The following PRKD1 variants were observed in gnomAD, a reference collection of about 807,000 sequenced individuals.
PRKD1 encodes serine/threonine-protein kinase D1.
A neutral mutation model predicts 95.9 loss-of-function variants in PRKD1; 63 were observed. That is an observed-to-expected ratio of 0.66 (90% CI 0.54 to 0.81). PRKD1 has a LOEUF of 0.81. Ranked by LOEUF, PRKD1 falls within the 30% of genes least tolerant of loss-of-function variation. PRKD1 has a pLI of 0.00. For synonymous variants in PRKD1, 425 were observed against 423.1 expected, an observed-to-expected ratio of 1.00 and a Z score of -0.05; for missense variants, 1,048 against 1,165.3, an observed-to-expected ratio of 0.90 and a Z score of 1.47.
intron 2 of PRKD1, among the ~76,000 whole-genome samples, chr14:29,687,453 A>C (rs1485875062): frequency 6.6e-6 from 1 of 152,218 alleles, no homozygotes; most frequent in Non-Finnish European, 1.5e-5. Flanking sequence ...CCAGAGACTC[A>C]AAAAGTTTTG....
At chr14:29,887,064 T>C (rs1441530006) in intron 1 of PRKD1, among the ~76,000 whole-genome samples, 1 of 152,230 alleles carries the variant, frequency 6.6e-6, no homozygotes, top group Non-Finnish European at 1.5e-5. Flanking sequence ...CCAGCAATGA[T>C]GCACCAAAAG....
intron 4 of PRKD1, among the ~76,000 whole-genome samples, chr14:29,648,534 G>A (rs1881284051): frequency 6.6e-6 from 1 of 152,066 alleles, no homozygotes; most frequent in Non-Finnish European, 1.5e-5. Context: ...AGTGAATCTG[G>A]GGACTATTTT....
At chr14:29,720,438 C>T (rs1381736651) in intron 2 of PRKD1, among the ~76,000 whole-genome samples, 1 of 151,976 alleles carries the variant, frequency 6.6e-6, no homozygotes, top group African/African-American at 2.4e-5. Flanking sequence ...CTGTATGATA[C>T]TTTCATCTAG....
intron 1 of PRKD1, among the ~76,000 whole-genome samples, chr14:29,742,286 G>A (rs1019510306): frequency 2.0e-5 from 3 of 152,144 alleles, no homozygotes; most frequent in Non-Finnish European, 2.9e-5. Context: ...CATTAGTGAC[G>A]TTTATTATTT....
intron 1 of PRKD1, among the ~76,000 whole-genome samples, chr14:29,867,498 T>C (rs1892952325): frequency 6.6e-6 from 1 of 152,154 alleles, no homozygotes; most frequent in African/African-American, 2.4e-5. Context: ...TGGAATTCAA[T>C]GGGTAAAGGA....
rs146745181 is a variant in PRKD1 at position 29,773,231 on chromosome 14, C to A, written c.265-47557G>T. On this transcript the variant is annotated intron_variant, in intron 1 of 17. Coordinates refer to ENST00000331968, the MANE Select transcript of PRKD1 (RefSeq NM_002742.3). ...ATCCCAGCACTTTGGGAGGCCCAGG[C>A]GAGTGAATCACTGGAGGTCAGGAGT... 1.3e-3 allele frequency among the ~76,000 whole-genome samples: 203 copies of A among 152,124 alleles called. 2 individuals are homozygous for A. Among genetic ancestry groups the A allele is most frequent in the Non-Finnish European group, 2.0e-3 (139 of 67,994 alleles).
Position 29,712,695 on chromosome 14 carries a change from C to T in PRKD1, c.403+12841G>A, listed in dbSNP as rs567550344. ...TTTCTATTTTATTCCTCCATACTGGCATAATGAATAGTGCTATTGCTGTTT... is the reference window on the plus strand; with the variant it reads ...TTTCTATTTTATTCCTCCATACTGGTATAATGAATAGTGCTATTGCTGTTT... On this transcript the variant is annotated intron_variant, in intron 2 of 17. Transcript: ENST00000331968. 2.0e-5 allele frequency among the ~76,000 whole-genome samples: 3 copies of T among 152,252 alleles called. No homozygotes were observed. The South Asian group carries it at 6.2e-4, about 32-fold the overall frequency.
chr14:29,656,468 G>A (rs1045020730), intron 4 of PRKD1: 2 of 1,533,684 alleles, frequency 1.3e-6, no homozygotes, highest in African/African-American at 2.7e-5. Flanking sequence ...GGTAGCATTA[G>A]TACCTACCTC....
intron 1 of PRKD1, among the ~76,000 whole-genome samples, chr14:29,797,537 C>T (rs138212499): frequency 9.2e-5 from 14 of 152,290 alleles, no homozygotes; most frequent in Admixed American, 3.3e-4. Context: ...AAACCATCAC[C>T]GAGTGACAAG....
At chr14:29,809,568 G>A (rs1890393341) in intron 1 of PRKD1, among the ~76,000 whole-genome samples, 1 of 152,178 alleles carries the variant, frequency 6.6e-6, no homozygotes, top group Admixed American at 6.5e-5. Flanking sequence ...TTTATTTTAT[G>A]GTGATGGCTT....
intron 2 of PRKD1, among the ~76,000 whole-genome samples, chr14:29,666,623 C>T (rs1403876109): frequency 6.6e-6 from 1 of 151,852 alleles, no homozygotes; most frequent in South Asian, 2.1e-4. Context: ...TCAGATAGAT[C>T]CGAAAAATAG....
intron 1 of PRKD1, among the ~76,000 whole-genome samples, chr14:29,776,661 G>C (rs575265512): frequency 7.7e-4 from 118 of 152,268 alleles, no homozygotes; most frequent in Non-Finnish European, 1.5e-3. Flanking sequence ...ACCAAATCTA[G>C]ATCTGATTGC....
At chr14:29,672,866 C>G (rs937987648) in intron 2 of PRKD1, among the ~76,000 whole-genome samples, 3 of 151,682 alleles carry the variant, frequency 2.0e-5, no homozygotes, top group Non-Finnish European at 4.4e-5. Flanking sequence ...AGAAAGTTAA[C>G]ATGTATTTAC....
At chr14:29,610,133 A>G (rs962460593) in intron 13 of PRKD1, among the ~76,000 whole-genome samples, 2 of 152,148 alleles carry the variant, frequency 1.3e-5, no homozygotes, top group South Asian at 2.1e-4. Flanking sequence ...GTATAAAAAT[A>G]TTTGACATTT....
At chr14:29,770,010 T>C (rs1044736554) in intron 1 of PRKD1, among the ~76,000 whole-genome samples, 1 of 152,132 alleles carries the variant, frequency 6.6e-6, no homozygotes, top group Non-Finnish European at 1.5e-5. Flanking sequence ...TGAATGGGAT[T>C]AGTGCCCTTA....
At chr14:29,889,586 G>T (rs1893866509) in intron 1 of PRKD1, among the ~76,000 whole-genome samples, 1 of 152,166 alleles carries the variant, frequency 6.6e-6, no homozygotes, top group Admixed American at 6.5e-5. Context: ...CATGTCCTTT[G>T]CAGGCACATG....
At chr14:29,845,537 C>T (rs539000818) in intron 1 of PRKD1, among the ~76,000 whole-genome samples, 55 of 152,160 alleles carry the variant, frequency 3.6e-4, no homozygotes, top group African/African-American at 1.3e-3. Context: ...AATAAATGTA[C>T]AATTCCAAAA....
intron 1 of PRKD1, among the ~76,000 whole-genome samples, chr14:29,826,886 C>G (rs1177292370): frequency 2.5e-5 from 2 of 81,022 alleles, no homozygotes; most frequent in Non-Finnish European, 4.6e-5. Context: ...TGATGGAATA[C>G]TACTCAGCCA....
chr14:29,857,217 C>T (rs1892539593), intron 1 of PRKD1, among the ~76,000 whole-genome samples: 1 of 152,102 alleles, frequency 6.6e-6, no homozygotes, highest in African/African-American at 2.4e-5. Flanking sequence ...TTGTTATTGT[C>T]ATTGTTTTGG....
Sources: allele counts gnomAD v4.1 joint callset (sites outside exome capture counted in the v4.1 genomes callset), GRCh38; gene constraint gnomAD v4.1.1; transcripts MANE v1.5; gene names NCBI Gene and HGNC (gene_info 2026-07-23, HGNC 2026-07-21).